Variants in FKTN observed in about 807,000 individuals in gnomAD.
The protein encoded by FKTN is fukutin.
A neutral mutation model predicts 58.6 loss-of-function variants in FKTN; 47 were observed. That is an observed-to-expected ratio of 0.80 (90% CI 0.63 to 1.02). The LOEUF (loss-of-function observed/expected upper bound fraction) is 1.02, where lower values mean the gene tolerates loss of function less well. Ranked by LOEUF, FKTN falls within the 50% of genes least tolerant of loss-of-function variation. FKTN has a pLI of 0.00. For synonymous variants in FKTN, 178 were observed against 191.9 expected (o/e 0.93, Z 0.60); for missense variants, 516 against 537.3 (o/e 0.96, Z 0.39).
At chr9:105,615,938 C>T (rs902099469) in intron 8 of FKTN, among the ~76,000 whole-genome samples, 4 of 152,188 alleles carry the variant, frequency 2.6e-5, no homozygotes, top group South Asian at 4.1e-4. Flanking sequence ...ATTCTTCTTA[C>T]GATGGTGTGA....
At position 105,635,162 on chromosome 9, in the gene FKTN, G is replaced by A; in HGVS notation, c.1284G>A (p.Lys428=). Residue 428 remains lysine (K), a synonymous_variant, in exon 11 of 11, where the codon AAG becomes AAA. Transcript: ENST00000357998. ...AAGCCAACTATGGTAAGACCTGGAA[G>A]ATTCCTGTAAAGACGTGGGACTGGA... ...YIEANYGKTW[K]IPVKTWDWKR... 1 of 1,614,118 alleles carries A rather than the reference G, an allele frequency of 6.2e-7. No individual in the cohort carries two copies. Among genetic ancestry groups the A allele is most frequent in the South Asian group, 1.1e-5 (1 of 91,092 alleles).
At chr9:105,562,043 T>C (rs1838393623) in intron 1 of FKTN, among the ~76,000 whole-genome samples, 1 of 152,110 alleles carries the variant, frequency 6.6e-6, no homozygotes, top group Non-Finnish European at 1.5e-5. Context: ...CACTACTCTC[T>C]TTCCTCTGTA....
chr9:105,562,363 C>T (rs545513650), intron 1 of FKTN, among the ~76,000 whole-genome samples: 23 of 152,282 alleles, frequency 1.5e-4, no homozygotes, highest in Non-Finnish European at 2.5e-4. Flanking sequence ...AAAAATGGTC[C>T]TTGTGTGCTG....
intron 7 of FKTN, among the ~76,000 whole-genome samples, chr9:105,609,410 T>A (rs1173010001): frequency 2.0e-5 from 3 of 152,166 alleles, no homozygotes; most frequent in Admixed American, 1.3e-4. Flanking sequence ...AGTATTTTTT[T>A]AAAAATAGGA....
intron 10 of FKTN, among the ~76,000 whole-genome samples, chr9:105,632,940 ATT>A (rs1833672153): frequency 6.6e-6 from 1 of 152,272 alleles, no homozygotes; most frequent in African/African-American, 2.4e-5. Flanking sequence ...CCCATGGTGT[ATT>A]TTAGTCTTAG....
chr9:105,638,308 GA>G lies in FKTN; in HGVS notation c.*3045del. 1 of 985,426 alleles carries G rather than the reference GA, an allele frequency of 1.0e-6. No homozygotes were observed. The highest frequency in any genetic ancestry group is 1.2e-6 in the Non-Finnish European group (1 of 829,930). The allele number at this position is 985,426 out of a possible 1,614,324, so 61.0% of individuals were successfully genotyped here. On this transcript the variant is annotated 3_prime_UTR_variant, in exon 11 of 11. Transcript: ENST00000357998. The stretch of plus-strand genomic sequence containing the variant: ...CTGCCGCTTAGTATCTTTTTGTTCA[GA>G]TTGAGAACCTAAGGCGACAGAGAGG...
At chr9:105,611,817 G>A (rs567429455) in intron 7 of FKTN, among the ~76,000 whole-genome samples, 87 of 152,254 alleles carry the variant, frequency 5.7e-4, no homozygotes, top group African/African-American at 1.9e-3. Context: ...ACACATGTAT[G>A]TGTCTTTATA....
rs527984516 is a variant in FKTN, at chr9:105,587,028, A to T, written c.106-9570A>T. On this transcript the variant is annotated intron_variant, in intron 3 of 10. Coordinates refer to ENST00000357998, the MANE Select transcript of FKTN (RefSeq NM_001079802.2). ...TTGTTCAAAAGAAATGAGTGATAAGATATGAAATGAGATGGCTTTAAGGAA... is the reference window on the plus strand; with the variant it reads ...TTGTTCAAAAGAAATGAGTGATAAGTTATGAAATGAGATGGCTTTAAGGAA... Among the ~76,000 whole-genome samples the T allele has an allele frequency of 1.4e-4, 22 of 152,334 alleles. No homozygotes were observed. In the South Asian group the frequency reaches 4.3e-3, roughly 30 times the overall value.
chr9:105,559,262 C>T (rs1837809193), intron 1 of FKTN, among the ~76,000 whole-genome samples: 1 of 152,180 alleles, frequency 6.6e-6, no homozygotes, highest in Non-Finnish European at 1.5e-5. Context: ...GCCTATTCTC[C>T]ATAAGGTGAT....
intron 6 of FKTN, among the ~76,000 whole-genome samples, chr9:105,606,188 G>T (rs1265030157): frequency 6.6e-6 from 1 of 152,072 alleles, no homozygotes; most frequent in Non-Finnish European, 1.5e-5. Context: ...AGGACACAGA[G>T]AACTACAGGG....
rs1285669578 is a variant in FKTN, at chr9:105,623,824, G to A, written c.1172+3763G>A. ...AATCAAATATGTATAATCTATAGTT[G>A]AAGTACCAAATCAGCCATATCTAGA... On this transcript the variant is annotated intron_variant, in intron 10 of 10. Coordinates refer to ENST00000357998, the MANE Select transcript of FKTN (RefSeq NM_001079802.2). Among the ~76,000 whole-genome samples, 4 of 152,260 alleles carry A rather than the reference G, an allele frequency of 2.6e-5. No homozygotes were observed. The East Asian group carries it at 7.7e-4, about 29-fold the overall frequency.
At chr9:105,616,692 T>C (rs1830875460) in intron 8 of FKTN, among the ~76,000 whole-genome samples, 1 of 152,208 alleles carries the variant, frequency 6.6e-6, no homozygotes. Context: ...AACTCCTGCC[T>C]TTATAGGGAT....
At chr9:105,631,514 C>T (rs970777140) in intron 10 of FKTN, among the ~76,000 whole-genome samples, 15 of 152,008 alleles carry the variant, frequency 9.9e-5, no homozygotes, top group African/African-American at 3.6e-4. Context: ...TTGCAACCTA[C>T]TCATCTGACA....
chr9:105,588,222 A>T (rs1440757414), intron 3 of FKTN, among the ~76,000 whole-genome samples: 1 of 152,140 alleles, frequency 6.6e-6, no homozygotes, highest in Admixed American at 6.5e-5. Flanking sequence ...TCTTTATTTG[A>T]CCCAGTTATC....
At chr9:105,577,238 T>A (rs1372068397) in intron 3 of FKTN, among the ~76,000 whole-genome samples, 3 of 149,596 alleles carry the variant, frequency 2.0e-5, no homozygotes, top group Non-Finnish European at 3.0e-5. Flanking sequence ...CATGAAGTCC[T>A]TGCCCATGCC....
At chr9:105,609,519 C>T (rs1312482202) in intron 7 of FKTN, among the ~76,000 whole-genome samples, 4 of 152,024 alleles carry the variant, frequency 2.6e-5, no homozygotes, top group African/African-American at 9.7e-5. Flanking sequence ...CCAATAATAA[C>T]CTTTGTAATA....
chr9:105,581,198 C>T (rs374872349), intron 3 of FKTN, among the ~76,000 whole-genome samples: 1,632 of 149,474 alleles, frequency 0.011, 48 homozygotes, highest in African/African-American at 0.039. Flanking sequence ...AGCTTTGTTC[C>T]GTTGCTGGTG....
intron 8 of FKTN, among the ~76,000 whole-genome samples, chr9:105,617,687 T>G (rs961741025): frequency 6.6e-6 from 1 of 152,144 alleles, no homozygotes; most frequent in African/African-American, 2.4e-5. Context: ...ACAAAGTCAT[T>G]TAGTTTGAGG....
chr9:105,588,945 T>A (rs1844377473), intron 3 of FKTN, among the ~76,000 whole-genome samples: 1 of 152,170 alleles, frequency 6.6e-6, no homozygotes, highest in South Asian at 2.1e-4. Flanking sequence ...GTCAGATTAT[T>A]TATTCTCTTG....
Sources: gnomAD v4.1 joint callset for allele counts (sites outside exome capture counted in the v4.1 genomes callset) on GRCh38, gnomAD v4.1.1 for gene constraint, MANE v1.5 for transcripts, NCBI Gene and HGNC (gene_info 2026-07-23, HGNC 2026-07-21) for gene names.